SRPK2: variants seen among roughly 807,000 people sequenced by gnomAD.
SRPK2 encodes the protein SRSF protein kinase 2.
SRPK2 carries 21 observed loss-of-function variants against 90.8 expected under a neutral mutation model. That is an observed-to-expected ratio of 0.23 (90% CI 0.16 to 0.33). The LOEUF is 0.33. Ranked by LOEUF, SRPK2 falls within the 10% of genes least tolerant of loss-of-function variation. The pLI is 1.00. For missense variants in SRPK2, 620 were observed against 869.0 expected (o/e 0.71, Z 3.60); for synonymous variants, 288 against 311.1 (o/e 0.93, Z 0.78).
chr7:105,368,586 C>A (rs1258627718), intron 2 of SRPK2, among the ~76,000 whole-genome samples: 1 of 152,054 alleles, frequency 6.6e-6, no homozygotes, highest in Non-Finnish European at 1.5e-5. Context: ...AAGTGACTTT[C>A]ATCAAGAGCC....
chr7:105,388,765 G>C (rs748658541), intron 1 of SRPK2, 26 bp downstream of exon 1: 17 of 1,529,846 alleles, frequency 1.1e-5, no homozygotes, highest in African/African-American at 1.4e-5. Flanking sequence ...GCGTGGCGGG[G>C]AGAGGGCGCG....
In SRPK2 at chr7:105,147,094, C is replaced by G. The variant is rs575296859; in HGVS notation, c.622-436G>C. On this transcript the variant is annotated intron_variant, in intron 7 of 15. Coordinates refer to ENST00000393651, the MANE Select transcript of SRPK2 (RefSeq NM_182692.3). ...ACTTAATGAATAGTAAGTATATTTT[C>G]TCTTCTTTATGATTGTCTTAACATT... 1.1e-4 allele frequency among the ~76,000 whole-genome samples: 17 copies of G among 152,280 alleles called. No homozygotes were observed. In the South Asian group the frequency reaches 3.1e-3, roughly 28 times the overall value.
chr7:105,276,630 T>C (rs1002987395), intron 2 of SRPK2, among the ~76,000 whole-genome samples: 1 of 151,328 alleles, frequency 6.6e-6, no homozygotes, highest in African/African-American at 2.4e-5. Flanking sequence ...TTCAGCTACT[T>C]AGGAGGCTGA....
At chr7:105,195,616 C>T (rs1794822998) in intron 3 of SRPK2, among the ~76,000 whole-genome samples, 1 of 152,196 alleles carries the variant, frequency 6.6e-6, no homozygotes, top group South Asian at 2.1e-4. Flanking sequence ...CTTGTTCTGC[C>T]TCCAGGATTT....
At position 105,287,077 on chromosome 7, in the gene SRPK2, C is replaced by A. The variant is rs1035413259; in HGVS notation, c.72-83292G>T. Among the ~76,000 whole-genome samples, 4 of 150,374 alleles carry A rather than the reference C, an allele frequency of 2.7e-5. No individual in the cohort carries two copies. In the South Asian group the frequency reaches 6.4e-4, roughly 24 times the overall value. ...GAGATCGAGACCATCCCGGCTAAAA[C>A]GGTGAAACCCCGTCTCTACTAAAAA... On this transcript the variant is annotated intron_variant, in intron 2 of 15. Coordinates refer to ENST00000393651, the MANE Select transcript of SRPK2 (RefSeq NM_182692.3).
intron 2 of SRPK2, among the ~76,000 whole-genome samples, chr7:105,212,658 T>C (rs776278386): frequency 2.6e-5 from 4 of 152,194 alleles, no homozygotes. Context: ...AAGGATTAGC[T>C]TTCTGCAAAA....
At chr7:105,293,497 C>A (rs930803485) in intron 2 of SRPK2, among the ~76,000 whole-genome samples, 1 of 151,940 alleles carries the variant, frequency 6.6e-6, no homozygotes, top group African/African-American at 2.4e-5. Context: ...CCCCCTCCAC[C>A]CCCCACCCCG....
chr7:105,313,943 G>A (rs183731097), intron 2 of SRPK2, among the ~76,000 whole-genome samples: 5 of 152,158 alleles, frequency 3.3e-5, no homozygotes, highest in African/African-American at 4.8e-5. Context: ...GGGCAAAGTC[G>A]CACCTCATTT....
intron 14 of SRPK2, among the ~76,000 whole-genome samples, chr7:105,126,750 C>G (rs772000492): frequency 2.6e-5 from 4 of 152,166 alleles, no homozygotes; most frequent in Non-Finnish European, 5.9e-5. Flanking sequence ...CTGCCCTGTG[C>G]AAGGCCAGGA....
At chr7:105,331,801 A>C (rs1160612486) in intron 2 of SRPK2, among the ~76,000 whole-genome samples, 1 of 152,172 alleles carries the variant, frequency 6.6e-6, no homozygotes, top group Admixed American at 6.6e-5. Context: ...CTTAGGAGGG[A>C]CCACAGATGG....
intron 7 of SRPK2, among the ~76,000 whole-genome samples, chr7:105,151,809 A>C (rs1805709734): frequency 6.6e-6 from 1 of 152,120 alleles, no homozygotes; most frequent in African/African-American, 2.4e-5. Context: ...GGATCACCTG[A>C]GGTCTGGAGT....
At chr7:105,248,435 T>TAA (rs749982663) in intron 2 of SRPK2, among the ~76,000 whole-genome samples, 18,060 of 108,994 alleles carry the variant, frequency 0.17, 1,534 homozygotes, top group East Asian at 0.47. Context: ...TACAAAAAAT[T>TAA]TAAAAAAAAA....
chr7:105,142,976 C>G, intron 10 of SRPK2, 108 bp downstream of exon 10: 1 of 1,430,574 alleles, frequency 7.0e-7, no homozygotes, highest in Non-Finnish European at 9.4e-7. Context: ...GAGAATCATC[C>G]TTGTCATCTG....
chr7:105,348,158 G>A (rs1307629278), intron 2 of SRPK2, among the ~76,000 whole-genome samples: 4 of 120,866 alleles, frequency 3.3e-5, no homozygotes, highest in South Asian at 2.9e-4. Context: ...TGCAACCTCC[G>A]CCTCCCGGGT....
intron 2 of SRPK2, among the ~76,000 whole-genome samples, chr7:105,384,800 C>T (rs1044696625): frequency 2.0e-5 from 3 of 152,094 alleles, no homozygotes; most frequent in Non-Finnish European, 4.4e-5. Flanking sequence ...TCAACGTCAC[C>T]CGGTTTCCCA....
chr7:105,239,273 A>T (rs1267222951), intron 2 of SRPK2, among the ~76,000 whole-genome samples: 1 of 152,266 alleles, frequency 6.6e-6, no homozygotes, highest in Non-Finnish European at 1.5e-5. Context: ...AAGCGACCTA[A>T]AATTTTTATG....
chr7:105,203,843 G>C (rs1329056823), intron 2 of SRPK2, 58 bp from the exon 3 acceptor site: 7 of 1,538,022 alleles, frequency 4.6e-6, no homozygotes, highest in African/African-American at 1.4e-5. Flanking sequence ...CATTATGGAT[G>C]CATTTGAGCA....
chr7:105,382,721 G>T (rs1022402681), intron 2 of SRPK2, among the ~76,000 whole-genome samples: 3 of 152,102 alleles, frequency 2.0e-5, no homozygotes, highest in Non-Finnish European at 4.4e-5. Context: ...AAGTGATAGA[G>T]AACAGATCAG....
At chr7:105,154,826 C>T (rs1317105732) in intron 7 of SRPK2, among the ~76,000 whole-genome samples, 1 of 151,908 alleles carries the variant, frequency 6.6e-6, no homozygotes, top group Non-Finnish European at 1.5e-5. Flanking sequence ...AAGCACGTGC[C>T]ACCACACCCA....
Sources: allele counts gnomAD v4.1 joint callset (sites outside exome capture counted in the v4.1 genomes callset), GRCh38; gene constraint gnomAD v4.1.1; transcripts MANE v1.5; gene names NCBI Gene and HGNC (gene_info 2026-07-23, HGNC 2026-07-21).